NDST4: variants seen among roughly 807,000 people sequenced by gnomAD.
The protein encoded by NDST4 is N-deacetylase and N-sulfotransferase 4.
NDST4 carries 63 observed loss-of-function variants against 100.8 expected under a neutral mutation model. That is an observed-to-expected ratio of 0.62 (90% confidence interval 0.51 to 0.77). The LOEUF is 0.77. Ranked by LOEUF, NDST4 falls within the 30% of genes least tolerant of loss-of-function variation. NDST4 has a pLI of 0.00. For synonymous variants in NDST4, 377 were observed against 361.8 expected (o/e 1.04, Z -0.48); for missense variants, 943 against 1,018.4 (o/e 0.93, Z 1.01).
intron 6 of NDST4, among the ~76,000 whole-genome samples, chr4:114,900,900 C>T (rs560186179): frequency 1.3e-5 from 2 of 151,898 alleles, no homozygotes; most frequent in Non-Finnish European, 1.5e-5. Context: ...CTTCTTTGAC[C>T]CATGTGTTAT....
At chr4:114,963,858 G>A (rs1220741680) in intron 4 of NDST4, among the ~76,000 whole-genome samples, 1 of 152,126 alleles carries the variant, frequency 6.6e-6, no homozygotes, top group Non-Finnish European at 1.5e-5. Context: ...ATATCACACA[G>A]GATCCTCTGT....
At chr4:115,055,163 C>A (rs28569252) in intron 2 of NDST4, among the ~76,000 whole-genome samples, 3,846 of 152,168 alleles carry the variant, frequency 0.025, 174 homozygotes, top group African/African-American at 0.088. Context: ...CATGATCTGC[C>A]ACTGTCTCCC....
chr4:115,043,580 T>C (rs1397084529), intron 2 of NDST4, among the ~76,000 whole-genome samples: 1 of 151,998 alleles, frequency 6.6e-6, no homozygotes, highest in African/African-American at 2.4e-5. Context: ...GGTTTTTAGA[T>C]ACGAAAGAGA....
At chr4:114,838,343 C>T (rs1723346327) in intron 11 of NDST4, among the ~76,000 whole-genome samples, 1 of 152,170 alleles carries the variant, frequency 6.6e-6, no homozygotes, top group African/African-American at 2.4e-5. Context: ...GATTATAAAT[C>T]ATTCTAATAT....
intron 2 of NDST4, among the ~76,000 whole-genome samples, chr4:114,985,295 T>G (rs993133049): frequency 6.6e-6 from 1 of 152,204 alleles, no homozygotes; most frequent in African/African-American, 2.4e-5. Flanking sequence ...TTTTTTGGTC[T>G]GTCTCCAGGA....
chr4:115,040,551 CTG>C (rs141086238), intron 2 of NDST4, among the ~76,000 whole-genome samples: 14,004 of 151,614 alleles, frequency 0.092, 1,973 homozygotes, highest in African/African-American at 0.3. Flanking sequence ...AAATGAAACA[CTG>C]TGTCTTCCTG....
At chr4:114,892,654 G>C (rs1724624301) in intron 6 of NDST4, among the ~76,000 whole-genome samples, 1 of 151,930 alleles carries the variant, frequency 6.6e-6, no homozygotes, top group Admixed American at 6.6e-5. Context: ...GGGTATACCG[G>C]AGATAAGAGG....
intron 2 of NDST4, among the ~76,000 whole-genome samples, chr4:114,997,542 A>G (rs991719730): frequency 1.3e-5 from 2 of 152,064 alleles, no homozygotes; most frequent in African/African-American, 4.8e-5. Flanking sequence ...CTAAGTAATC[A>G]GAATATTGAA....
At chr4:114,986,295 C>G (rs558100989) in intron 2 of NDST4, among the ~76,000 whole-genome samples, 2 of 152,222 alleles carry the variant, frequency 1.3e-5, no homozygotes, top group South Asian at 4.2e-4. Context: ...TTCATTGCAT[C>G]AGCCAAACAC....
chr4:114,988,025 C>T (rs1386812576), intron 2 of NDST4, among the ~76,000 whole-genome samples: 2 of 152,128 alleles, frequency 1.3e-5, no homozygotes, highest in Non-Finnish European at 2.9e-5. Context: ...TGCAAGTGAT[C>T]TGTACAAAGG....
chr4:115,005,193 G>T (rs1259002615), intron 2 of NDST4, among the ~76,000 whole-genome samples: 5 of 152,014 alleles, frequency 3.3e-5, no homozygotes, highest in Admixed American at 3.3e-4. Flanking sequence ...CCAGGCACTG[G>T]TGATACAATA....
chr4:115,023,964 C>CA (rs576969862), intron 2 of NDST4, among the ~76,000 whole-genome samples: 2,870 of 152,158 alleles, frequency 0.019, 95 homozygotes, highest in African/African-American at 0.064. Flanking sequence ...AGCCTAGCCA[C>CA]GCTCAAGTGG....
chr4:114,903,035 C>G (rs1488881626), intron 6 of NDST4, among the ~76,000 whole-genome samples: 1 of 152,106 alleles, frequency 6.6e-6, no homozygotes, highest in Non-Finnish European at 1.5e-5. Flanking sequence ...TTACAGTTGT[C>G]TAAAACTATT....
At chr4:115,092,802 A>T (rs768848603) in intron 1 of NDST4, among the ~76,000 whole-genome samples, 1 of 152,178 alleles carries the variant, frequency 6.6e-6, no homozygotes, top group Non-Finnish European at 1.5e-5. Context: ...AATTTAGTAG[A>T]AACCTACAGC....
chr4:115,106,578 T>C (rs994830258), intron 1 of NDST4, among the ~76,000 whole-genome samples: 1 of 152,156 alleles, frequency 6.6e-6, no homozygotes. Flanking sequence ...GTGAATGATA[T>C]GTACATAATT....
At chr4:115,099,574 A>G (rs1336319927) in intron 1 of NDST4, among the ~76,000 whole-genome samples, 3 of 152,314 alleles carry the variant, frequency 2.0e-5, no homozygotes, top group South Asian at 4.1e-4. Context: ...GGTACACATC[A>G]TATGGTACTG....
At chr4:115,088,638 C>T (rs570899043) in intron 1 of NDST4, among the ~76,000 whole-genome samples, 2 of 151,816 alleles carry the variant, frequency 1.3e-5, no homozygotes, top group Admixed American at 6.6e-5. Context: ...TCACTCTCAC[C>T]CCCACTCCCG....
intron 6 of NDST4, among the ~76,000 whole-genome samples, chr4:114,874,931 A>T (rs1478027028): frequency 6.6e-6 from 1 of 152,140 alleles, no homozygotes; most frequent in East Asian, 1.9e-4. Context: ...CAAAAGTATC[A>T]TCTGGGGAAA....
chr4:115,020,075 G>A (rs116337620), intron 2 of NDST4, among the ~76,000 whole-genome samples: 2,249 of 152,198 alleles, frequency 0.015, 62 homozygotes, highest in African/African-American at 0.051. Context: ...ATACAGGTTA[G>A]AAGAATTTGA....
Sources: allele counts gnomAD v4.1 joint callset (sites outside exome capture counted in the v4.1 genomes callset), GRCh38; gene constraint gnomAD v4.1.1; transcripts MANE v1.5; gene names NCBI Gene and HGNC (gene_info 2026-07-23, HGNC 2026-07-21).